HERC5: variants seen among roughly 807,000 people sequenced by gnomAD.
The protein encoded by HERC5 is E3 ISG15--protein ligase HERC5.
In HERC5, 99 loss-of-function variants were observed where a neutral mutation model predicts 119.6. The observed-to-expected ratio is 0.83, with a 90% CI of 0.70 to 0.98. The LOEUF is 0.98. Ranked by LOEUF, HERC5 falls within the 50% of genes least tolerant of loss-of-function variation. HERC5 has a pLI of 0.00. For missense variants in HERC5, 1,267 were observed against 1,241.3 expected (o/e 1.02, Z -0.31); for synonymous variants, 478 against 445.9 (o/e 1.07, Z -0.91).
At chr4:88,479,790 G>T (rs1057369258) in intron 13 of HERC5, among the ~76,000 whole-genome samples, 1 of 152,082 alleles carries the variant, frequency 6.6e-6, no homozygotes, top group Admixed American at 6.5e-5. Flanking sequence ...GTGCTGGGCC[G>T]GGCGCGTTGG....
intron 14 of HERC5, 133 bp downstream of exon 14, chr4:88,486,361 A>G: frequency 3.6e-6 from 2 of 552,872 alleles, no homozygotes; most frequent in Non-Finnish European, 6.5e-6. Flanking sequence ...AAATCTATGC[A>G]ATTTTGCAGT....
rs1740171776 is a variant in HERC5, at chr4:88,457,171, C to T, written c.-99C>T. On this transcript the variant is annotated 5_prime_UTR_variant, in exon 1 of 23. Transcript: ENST00000264350. Reference sequence around the variant, plus strand: ...CCACGCAGCTGCGCGCAGCTGGTTCCCGCTCTGCAGCGCAACGCCTGAGGC... The same window carrying T: ...CCACGCAGCTGCGCGCAGCTGGTTCTCGCTCTGCAGCGCAACGCCTGAGGC... 2 of 1,235,952 alleles carry T rather than the reference C, an allele frequency of 1.6e-6. No homozygotes were observed. The highest frequency in any genetic ancestry group is 1.6e-5 in the African/African-American group (1 of 64,330). The allele number at this position is 1,235,952 out of a possible 1,614,324, so 76.6% of individuals were successfully genotyped here. A position where few individuals can be genotyped will look rare whatever the true frequency, so the allele number is the denominator to read the frequency against.
intron 18 of HERC5, among the ~76,000 whole-genome samples, chr4:88,496,081 C>T (rs1438200722): frequency 6.6e-6 from 1 of 152,088 alleles, no homozygotes; most frequent in Non-Finnish European, 1.5e-5. Flanking sequence ...TATCATATAG[C>T]CTCATGAAAA....
chr4:88,485,875 C>G (rs1246777915), intron 13 of HERC5, among the ~76,000 whole-genome samples: 1 of 151,614 alleles, frequency 6.6e-6, no homozygotes, highest in Non-Finnish European at 1.5e-5. Flanking sequence ...TAAAAATTTC[C>G]TATGAATTAA....
Position 88,457,561 on chromosome 4 carries a change from GTGAGGGCTGTGAGGGGTGAGGGC to G in HERC5, c.265+44_265+66del, listed in dbSNP as rs750020276. The G allele has an allele frequency of 5.5e-5, 69 of 1,248,198 alleles. No individual in the cohort carries two copies. In the East Asian group the frequency reaches 1.7e-3, roughly 31 times the overall value. 77.3% of individuals were successfully genotyped at this position (1,248,198 alleles called of 1,614,324 possible). ...TGAGTGGGGCTGGTGTGTGAGGGCT[GTGAGGGCTGTGAGGGGTGAGGGC>G]TGAGGGCTGTGAGGGGCGGGCAGCC... On this transcript the variant is annotated intron_variant, in intron 1 of 22. Coordinates refer to ENST00000264350, the MANE Select transcript of HERC5 (RefSeq NM_016323.4).
chr4:88,489,190 A>AG lies in HERC5; in HGVS notation c.1989dup (p.Ser664ValfsTer5). ...GAGTAAAAAACATAAAGCTTATCTT[A>AG]GGTCGGCAGCAATTGAGGAAGAAAG... is the stretch of plus-strand genomic sequence containing the variant. On this transcript the variant is annotated frameshift_variant, in exon 16 of 23. Transcript: ENST00000264350. LOFTEE classifies it high-confidence loss of function. The AG allele has an allele frequency of 6.2e-7, 1 of 1,612,632 alleles. No individual in the cohort carries two copies. The highest frequency in any genetic ancestry group is 8.5e-7 in the Non-Finnish European group (1 of 1,179,496).
intron 20 of HERC5, 61 bp from the exon 21 acceptor site, chr4:88,504,171 C>G: frequency 9.5e-7 from 1 of 1,057,960 alleles, no homozygotes; most frequent in Admixed American, 2.1e-5. Context: ...TTATTTTTAG[C>G]CCCTCACCAT....
chr4:88,460,300 T>C (rs1740381041), intron 3 of HERC5, 129 bp downstream of exon 3: 1 of 469,862 alleles, frequency 2.1e-6, no homozygotes, highest in Non-Finnish European at 3.8e-6. Context: ...TGGTTCCGAG[T>C]ACGATTCTTA....
intron 18 of HERC5, 107 bp downstream of exon 18, chr4:88,494,438 G>T: frequency 5.3e-6 from 5 of 944,464 alleles, no homozygotes; most frequent in East Asian, 2.8e-5. Flanking sequence ...CAGCATTTTA[G>T]GTACTTTAGA....
chr4:88,499,867 T>C, intron 18 of HERC5, 59 bp from the exon 19 acceptor site: 1 of 1,155,442 alleles, frequency 8.7e-7, no homozygotes, highest in Non-Finnish European at 1.3e-6. Flanking sequence ...TTATTTTAGA[T>C]GCTGTGTCTA....
rs1036131554 is a variant in HERC5, at chr4:88,490,943, A to G, written c.2133+1607A>G. Among the ~76,000 whole-genome samples the G allele has an allele frequency of 2.5e-4, 38 of 152,302 alleles. No homozygotes were observed. In the South Asian group the frequency reaches 6.6e-3, roughly 27 times the overall value. Reference sequence around the variant, plus strand: ...TCTAATGGACTCGTTATGTGATTCTATGCTTTGCCAGTCAGTCTACTCGAT... The same window carrying G: ...TCTAATGGACTCGTTATGTGATTCTGTGCTTTGCCAGTCAGTCTACTCGAT... On this transcript the variant is annotated intron_variant, in intron 16 of 22. Coordinates refer to ENST00000264350, the MANE Select transcript of HERC5 (RefSeq NM_016323.4).
chr4:88,470,627 A>G lies in HERC5; in HGVS notation c.1252A>G (p.Ile418Val), dbSNP rs1740836673. 6.6e-7 allele frequency: 1 copy of G among 1,512,072 alleles called. No individual in the cohort carries two copies. The highest frequency in any genetic ancestry group is 9.2e-7 in the Non-Finnish European group (1 of 1,092,564). 93.7% of individuals were successfully genotyped at this position (1,512,072 alleles called of 1,614,324 possible). Reference sequence around the variant, plus strand: ...TTACTAATATAGGGAAATCCAAGAGATATTTTCATCTCCTGCTTGTCTAAC... The same window carrying G: ...TTACTAATATAGGGAAATCCAAGAGGTATTTTCATCTCCTGCTTGTCTAAC... ...WQSTKREIQE[I>V]FSSPACLTGS... The change falls in exon 10 of 23, where the codon ATA becomes GTA. Residue 418 changes from isoleucine (I) to valine (V), a missense_variant. Transcript: ENST00000264350.
In HERC5 at chr4:88,500,001, CAATA is replaced by C. The variant is rs1384103823; in HGVS notation, c.2511+12_2511+15del. The C allele has an allele frequency of 6.5e-7, 1 of 1,533,792 alleles. No individual in the cohort carries two copies. Among genetic ancestry groups the C allele is most frequent in the Non-Finnish European group, 9.0e-7 (1 of 1,108,022 alleles). On this transcript the variant is annotated intron_variant, in intron 19 of 22. Transcript: ENST00000264350. ...TTTACATCCATTTTAATGTGAGTAA[CAATA>C]AAAGCAGATAACAGATTAGTTTTAA...
chr4:88,469,249 G>C lies in HERC5; in HGVS notation c.1227G>C (p.Gln409His), dbSNP rs1034325345. Reference sequence around the variant, plus strand: ...CTGATGTGGAGACTAAACGGTGGCAGAGCACAAAAAGGTACACCCCACAGT... The same window carrying C: ...CTGATGTGGAGACTAAACGGTGGCACAGCACAAAAAGGTACACCCCACAGT... ...WIADVETKRW[Q>H]STKREIQEIF... The change falls in exon 9 of 23, where the codon CAG becomes CAC. Residue 409 changes from glutamine (Q) to histidine (H), a missense_variant. Gln to His is a conservative substitution (Grantham distance 24, BLOSUM62 0). Coordinates refer to ENST00000264350, the MANE Select transcript of HERC5 (RefSeq NM_016323.4). The C allele has an allele frequency of 8.1e-6, 13 of 1,610,422 alleles. No homozygotes were observed. The highest frequency in any genetic ancestry group is 1.1e-5 in the Non-Finnish European group (13 of 1,176,868).
intron 11 of HERC5, among the ~76,000 whole-genome samples, chr4:88,475,063 T>C (rs374952246): frequency 1.3e-5 from 2 of 151,364 alleles, no homozygotes; most frequent in African/African-American, 2.4e-5. Flanking sequence ...GTTGCTCTTA[T>C]GGAAGATAAT....
At position 88,463,578 on chromosome 4, in the gene HERC5, T is replaced by C; in HGVS notation, c.735T>C (p.Val245=). ...TTGAAGGACTAGACAATCAGAAAGT[T>C]GAATTTGTCGCTTGTGGTGGCTCTC... ...SLIEGLDNQK[V]EFVACGGSHS... Residue 245 remains valine, a synonymous_variant, in exon 5 of 23, where the codon GTT becomes GTC. Coordinates refer to ENST00000264350, the MANE Select transcript of HERC5 (RefSeq NM_016323.4). 6.2e-7 allele frequency: 1 copy of C among 1,614,054 alleles called. No individual in the cohort carries two copies. The highest frequency in any genetic ancestry group is 1.3e-5 in the African/African-American group (1 of 75,026).
chr4:88,472,392 TTATC>T lies in HERC5; in HGVS notation c.1299-15_1299-12del. On this transcript the variant is annotated splice_polypyrimidine_tract_variant and intron_variant, in intron 10 of 22. Transcript: ENST00000264350. ...GAGATAATCTAACAAAATACTTAATTTATCTTTCTTCTACAGAAGAACTACAGAA... is the reference window on the plus strand; with the variant it reads ...GAGATAATCTAACAAAATACTTAATTTTTCTTCTACAGAAGAACTACAGAA... 1 of 1,420,536 alleles carries T rather than the reference TTATC, an allele frequency of 7.0e-7. No homozygotes were observed. The highest frequency in any genetic ancestry group is 9.8e-7 in the Non-Finnish European group (1 of 1,017,056). 88.0% of individuals were successfully genotyped at this position (1,420,536 alleles called of 1,614,324 possible).
At chr4:88,499,502 A>G (rs1240397070) in intron 18 of HERC5, among the ~76,000 whole-genome samples, 1 of 152,234 alleles carries the variant, frequency 6.6e-6, no homozygotes, top group Non-Finnish European at 1.5e-5. Context: ...AGAGGTGCAG[A>G]GAAGGTCCTT....
chr4:88,496,510 T>C (rs1452380121), intron 18 of HERC5, among the ~76,000 whole-genome samples: 5 of 152,208 alleles, frequency 3.3e-5, no homozygotes, highest in Non-Finnish European at 5.9e-5. Flanking sequence ...TGTGGAACTT[T>C]ATTAGAGGTG....
Sources: allele counts gnomAD v4.1 joint callset (sites outside exome capture counted in the v4.1 genomes callset), GRCh38; gene constraint gnomAD v4.1.1; transcripts MANE v1.5; gene names NCBI Gene and HGNC (gene_info 2026-07-23, HGNC 2026-07-21).